Variants in UBAP1 observed in about 807,000 individuals in gnomAD.
The protein encoded by UBAP1 is ubiquitin associated protein 1.
UBAP1 carries 5 observed loss-of-function variants against 39.0 expected under a neutral mutation model. The ratio of observed to expected loss-of-function variants is 0.13; its 90% CI spans 0.07 to 0.27. The LOEUF (loss-of-function observed/expected upper bound fraction) is 0.27. UBAP1 is among the 10% of genes least tolerant of loss of function. The pLI, the probability that UBAP1 is intolerant of heterozygous loss-of-function variation, is 1.00. For synonymous variants in UBAP1, 211 were observed against 225.1 expected, an observed-to-expected ratio of 0.94 and a Z score of 0.56; for missense variants, 490 against 608.1, an observed-to-expected ratio of 0.81 and a Z score of 2.04.
At chr9:34,236,128 G>C (rs900789692) in intron 3 of UBAP1, among the ~76,000 whole-genome samples, 1 of 151,830 alleles carries the variant, frequency 6.6e-6, no homozygotes, top group Non-Finnish European at 1.5e-5. Flanking sequence ...CCAAAATGCT[G>C]GGATTACAAG....
In UBAP1 at chr9:34,241,161, C is replaced by G. The variant is rs536704341; in HGVS notation, c.160-24C>G. 7.1e-6 allele frequency: 10 copies of G among 1,413,422 alleles called. No homozygotes were observed. The African/African-American group carries it at 1.1e-4, about 16-fold the overall frequency. The allele number at this position is 1,413,422 out of a possible 1,614,324, so 87.6% of individuals were successfully genotyped here. A position where few individuals can be genotyped will look rare whatever the true frequency, so the allele number is the denominator to read the frequency against. On this transcript the variant is annotated intron_variant, in intron 3 of 6. Transcript: ENST00000297661. ...AAGATGGCCACCTGGGTTCACACCC[C>G]CTTCCTCTGCTATATCTTTGCAGTA...
intron 1 of UBAP1, among the ~76,000 whole-genome samples, chr9:34,202,624 C>CCTCTGTGT (rs1491103579): frequency 1.9e-5 from 2 of 107,326 alleles, no homozygotes; most frequent in African/African-American, 7.8e-5. Flanking sequence ...TAGACAGAAA[C>CCTCTGTGT]GTGTGTGTGT....
At chr9:34,220,999 T>G in intron 2 of UBAP1, 51 bp downstream of exon 2, 2 of 1,533,898 alleles carry the variant, frequency 1.3e-6, no homozygotes, top group Non-Finnish European at 1.8e-6. Flanking sequence ...ATCAGAGGAT[T>G]TGGAATCACT....
At chr9:34,231,549 A>G (rs13302285) in intron 2 of UBAP1, among the ~76,000 whole-genome samples, 6,248 of 151,860 alleles carry the variant, frequency 0.041, 172 homozygotes, top group Middle Eastern at 0.076. Context: ...TCATTGAACA[A>G]ATTCCATGAG....
chr9:34,246,717 G>C (rs1037252326), intron 4 of UBAP1, among the ~76,000 whole-genome samples: 1 of 152,222 alleles, frequency 6.6e-6, no homozygotes, highest in Non-Finnish European at 1.5e-5. Flanking sequence ...CTTGGTAGAA[G>C]CTGTCTTGAG....
rs572109673 is a variant in UBAP1 at position 34,239,436 on chromosome 9, A to G, written c.160-1749A>G. Among the ~76,000 whole-genome samples the G allele has an allele frequency of 3.3e-5, 5 of 152,350 alleles. No individual in the cohort carries two copies. In the South Asian group the frequency reaches 1.0e-3, roughly 32 times the overall value. ...CAGTCAGACCTAGAGCTCTAGACAG[A>G]TGGCTTGAAAGTTCCTATAACTGTC... On this transcript the variant is annotated intron_variant, in intron 3 of 6. Coordinates refer to ENST00000297661, the MANE Select transcript of UBAP1 (RefSeq NM_016525.5).
chr9:34,179,555 G>A (rs1208143970), intron 1 of UBAP1, among the ~76,000 whole-genome samples: 1 of 152,078 alleles, frequency 6.6e-6, no homozygotes, highest in African/African-American at 2.4e-5. Context: ...AGAACTCGGT[G>A]GGAACTAGAG....
At chr9:34,197,185 C>G (rs1240081448) in intron 1 of UBAP1, among the ~76,000 whole-genome samples, 1 of 152,078 alleles carries the variant, frequency 6.6e-6, no homozygotes, top group Admixed American at 6.6e-5. Flanking sequence ...CTTGGCCTCC[C>G]AAAGTGCTGG....
At chr9:34,208,976 T>C (rs1274279247) in intron 1 of UBAP1, among the ~76,000 whole-genome samples, 1 of 151,594 alleles carries the variant, frequency 6.6e-6, no homozygotes, top group Non-Finnish European at 1.5e-5. Context: ...ACTCTGTTGC[T>C]CAGGCTGGAG....
At chr9:34,248,437 A>G (rs565906112) in intron 4 of UBAP1, among the ~76,000 whole-genome samples, 1 of 152,328 alleles carries the variant, frequency 6.6e-6, no homozygotes, top group South Asian at 2.1e-4. Flanking sequence ...CAGTTGAAGA[A>G]TAGTCCTGAC....
chr9:34,212,642 C>G (rs1832083174), intron 1 of UBAP1, among the ~76,000 whole-genome samples: 1 of 152,024 alleles, frequency 6.6e-6, no homozygotes, highest in African/African-American at 2.4e-5. Context: ...AAATACAACC[C>G]TCCTAGCTTA....
At chr9:34,188,741 G>GA (rs1199748218) in intron 1 of UBAP1, among the ~76,000 whole-genome samples, 1 of 152,050 alleles carries the variant, frequency 6.6e-6, no homozygotes. Flanking sequence ...TGGATCACCT[G>GA]AGGTCAGGAG....
intron 1 of UBAP1, among the ~76,000 whole-genome samples, chr9:34,193,736 G>A (rs1353398546): frequency 6.6e-6 from 1 of 152,194 alleles, no homozygotes; most frequent in Non-Finnish European, 1.5e-5. Flanking sequence ...GAGGTGTGGA[G>A]CTTCTATACC....
chr9:34,251,091 A>G (rs1834490793), intron 6 of UBAP1, among the ~76,000 whole-genome samples: 1 of 152,212 alleles, frequency 6.6e-6, no homozygotes, highest in Non-Finnish European at 1.5e-5. Context: ...TTCTGGGTTC[A>G]GTATCCTTCC....
At chr9:34,215,240 T>C (rs1384442348) in intron 1 of UBAP1, among the ~76,000 whole-genome samples, 1 of 151,962 alleles carries the variant, frequency 6.6e-6, no homozygotes, top group Non-Finnish European at 1.5e-5. Context: ...TATCAACGAA[T>C]GGATAAACTG....
intron 1 of UBAP1, among the ~76,000 whole-genome samples, chr9:34,185,337 CAGA>C (rs1301129049): frequency 2.0e-5 from 3 of 152,132 alleles, no homozygotes; most frequent in East Asian, 3.9e-4. Context: ...TGCTTGAGCC[CAGA>C]AGTTCAAGAC....
At chr9:34,249,264 T>C (rs763567117) in intron 4 of UBAP1, among the ~76,000 whole-genome samples, 5 of 152,286 alleles carry the variant, frequency 3.3e-5, no homozygotes, top group Admixed American at 6.5e-5. Flanking sequence ...AAGCTGTCCA[T>C]GCATGGGAAC....
intron 1 of UBAP1, among the ~76,000 whole-genome samples, chr9:34,198,064 C>G (rs1431994603): frequency 3.3e-5 from 5 of 152,160 alleles, no homozygotes; most frequent in Admixed American, 1.3e-4. Flanking sequence ...TGCCCATACT[C>G]TGAGGTTAGG....
intron 2 of UBAP1, among the ~76,000 whole-genome samples, chr9:34,228,903 C>G (rs1375704481): frequency 6.6e-6 from 1 of 151,884 alleles, no homozygotes; most frequent in Non-Finnish European, 1.5e-5. Flanking sequence ...CTTTAAATGC[C>G]TTTTTGCCCT....
Sources: gnomAD v4.1 joint callset for allele counts (sites outside exome capture counted in the v4.1 genomes callset) on GRCh38, gnomAD v4.1.1 for gene constraint, MANE v1.5 for transcripts, NCBI Gene and HGNC (gene_info 2026-07-23, HGNC 2026-07-21) for gene names.